Variants in DNAH17 observed in about 807,000 individuals in gnomAD.
The protein encoded by DNAH17 is dynein axonemal heavy chain 17, also known as axonemal beta dynein heavy chain 17.
In DNAH17, 376 loss-of-function variants were observed where a neutral mutation model predicts 485.6. The ratio of observed to expected loss-of-function variants is 0.77; its 90% CI spans 0.71 to 0.84. DNAH17 has a LOEUF of 0.84. Among genes scored for constraint, DNAH17 ranks in the 40% least tolerant of loss-of-function variants. The probability of loss-of-function intolerance (pLI) is 0.00; values close to 1 mark genes in which losing one functional copy is unlikely to be tolerated. For missense variants in DNAH17, 6,370 were observed against 5,839.3 expected (o/e 1.09, Z -2.96); for synonymous variants, 3,031 against 2,405.9 (o/e 1.26, Z -7.60).
chr17:78,456,956 G>A (rs1028481828), intron 62 of DNAH17, among the ~76,000 whole-genome samples: 1 of 152,190 alleles, frequency 6.6e-6, no homozygotes, highest in Non-Finnish European at 1.5e-5. Flanking sequence ...GAGGCTCCGG[G>A]TGCTCCCCTG....
At position 78,541,377 on chromosome 17, in the gene DNAH17, GTGGA is replaced by G. The variant is rs371016100; in HGVS notation, c.2533-1501_2533-1498del. 9.4e-5 allele frequency among the ~76,000 whole-genome samples: 14 copies of G among 148,508 alleles called. No individual in the cohort carries two copies. The East Asian group carries it at 1.0e-3, about 11-fold the overall frequency. ...ATGAATGTGGTGGGTAGATGTGTAA[GTGGA>G]TGGATGGATGGATGGATGGGTGGAT... is the stretch of plus-strand genomic sequence containing the variant. On this transcript the variant is annotated intron_variant, in intron 17 of 80. Coordinates refer to ENST00000389840, the MANE Select transcript of DNAH17 (RefSeq NM_173628.4).
intron 25 of DNAH17, among the ~76,000 whole-genome samples, chr17:78,521,378 C>A (rs904935865): frequency 6.6e-6 from 1 of 152,016 alleles, no homozygotes; most frequent in Non-Finnish European, 1.5e-5. Flanking sequence ...AGCACTCCAG[C>A]CTGGGTGACA....
rs144882063 is a variant in DNAH17, at chr17:78,486,248, G to A, written c.7077C>T (p.Phe2359=). 1.7e-5 allele frequency: 27 copies of A among 1,593,244 alleles called. No individual in the cohort carries two copies. The East Asian group carries it at 2.7e-4, about 16-fold the overall frequency. Reference sequence around the variant, plus strand: ...CCTGGTCCTGGAACATGGCGCCACCGAAGGCCCAGAAGCAGGTGAACACGA... The same window carrying A: ...CCTGGTCCTGGAACATGGCGCCACCAAAGGCCCAGAAGCAGGTGAACACGA... ...LYFVFTCFWA[F]GGAMFQDQLV... Residue 2359 remains phenylalanine (F), a synonymous_variant, in exon 45 of 81, where the codon TTC becomes TTT. Coordinates refer to ENST00000389840, the MANE Select transcript of DNAH17 (RefSeq NM_173628.4).
At chr17:78,561,415 C>A (rs1197891094) in intron 12 of DNAH17, among the ~76,000 whole-genome samples, 1 of 152,072 alleles carries the variant, frequency 6.6e-6, no homozygotes, top group Non-Finnish European at 1.5e-5. Flanking sequence ...GCCAAGTGCA[C>A]GCAACAGTGG....
intron 22 of DNAH17, among the ~76,000 whole-genome samples, chr17:78,528,418 C>A (rs763882806): frequency 1.3e-5 from 2 of 152,162 alleles, no homozygotes; most frequent in Non-Finnish European, 2.9e-5. Context: ...CCATGCCTGG[C>A]TAATTTTTTA....
At chr17:78,567,298 G>C (rs1008174661) in intron 9 of DNAH17, 132 bp from the exon 10 acceptor site, 4 of 841,690 alleles carry the variant, frequency 4.8e-6, no homozygotes, top group Admixed American at 5.4e-5. Context: ...AACCATGGGG[G>C]TGGGAGGACA....
chr17:78,492,725 C>T lies in DNAH17; in HGVS notation c.6449G>A (p.Arg2150Lys). 1.2e-6 allele frequency: 2 copies of T among 1,612,932 alleles called. No individual in the cohort carries two copies. The highest frequency in any genetic ancestry group is 1.3e-5 in the African/African-American group (1 of 74,992). ...GTCCAGGTCCACGGCGACCGGCTTC[C>T]TCTTCAGGTTCTGATAGGTCTTGTT... ...SLNKTYQNLK[R>K]KPVAVDLDPK... Residue 2150 changes from arginine (R) to lysine (K), a missense_variant, in exon 42 of 81, where the codon AGG becomes AAG. Physicochemically the swap from Arg to Lys is conservative, Grantham distance 26 (BLOSUM62 2). Transcript: ENST00000389840.
chr17:78,540,395 T>C, intron 17 of DNAH17, among the ~76,000 whole-genome samples: 1 of 107,870 alleles, frequency 9.3e-6, no homozygotes, highest in Non-Finnish European at 1.9e-5. Context: ...GCTGGATGGA[T>C]GGATGGGGTT....
intron 67 of DNAH17, 139 bp downstream of exon 67, chr17:78,450,543 C>CTT: frequency 7.1e-7 from 1 of 1,416,990 alleles, no homozygotes; most frequent in Non-Finnish European, 9.5e-7. Context: ...GCCCAGACCC[C>CTT]TTCTCCTGCC....
At chr17:78,478,855 C>T in intron 51 of DNAH17, 170 bp downstream of exon 51, 3 of 608,600 alleles carry the variant, frequency 4.9e-6, no homozygotes, top group Non-Finnish European at 5.8e-6. Flanking sequence ...ACCATCACTA[C>T]CACTGTCACC....
intron 32 of DNAH17, 62 bp downstream of exon 32, chr17:78,502,824 G>A (rs992253488): frequency 1.7e-5 from 27 of 1,593,374 alleles, no homozygotes; most frequent in Non-Finnish European, 2.0e-5. Flanking sequence ...GCCCATGAAC[G>A]CAAAGAAACT....
In DNAH17 at chr17:78,484,235, G is replaced by A. The variant is rs375039681; in HGVS notation, c.7649+633C>T. ...TCTGCACTCTGTCCCGAGGCCCTGG[G>A]ATTCTGGCTGCAGCTGCCCTGGGCA... is the stretch of plus-strand genomic sequence containing the variant. On this transcript the variant is annotated intron_variant, in intron 48 of 80. Coordinates refer to ENST00000389840, the MANE Select transcript of DNAH17 (RefSeq NM_173628.4). 2.6e-5 allele frequency among the ~76,000 whole-genome samples: 4 copies of A among 151,962 alleles called. No homozygotes were observed. In the East Asian group the frequency reaches 5.8e-4, roughly 22 times the overall value.
At chr17:78,494,442 G>T in intron 40 of DNAH17, 151 bp downstream of exon 40, 1 of 997,468 alleles carries the variant, frequency 1.0e-6, no homozygotes, top group Non-Finnish European at 1.5e-6. Flanking sequence ...GGCTGGCCAG[G>T]GCCACGGAGG....
At chr17:78,489,670 TCA>T (rs2089762714) in intron 44 of DNAH17, 2 of 152,222 alleles carry the variant, frequency 1.3e-5, no homozygotes, top group Admixed American at 1.3e-4. Flanking sequence ...TGTGAATCCC[TCA>T]CATATTCTTC....
At chr17:78,558,296 G>T (rs2143624069) in intron 13 of DNAH17, 42 bp from the exon 14 acceptor site, 4 of 1,604,250 alleles carry the variant, frequency 2.5e-6, no homozygotes, top group Non-Finnish European at 3.4e-6. Context: ...CAGCAGGTCA[G>T]GTCAACAGTG....
chr17:78,437,996 G>T, intron 73 of DNAH17, 128 bp from the exon 74 acceptor site: 1 of 670,454 alleles, frequency 1.5e-6, no homozygotes, highest in Non-Finnish European at 2.5e-6. Context: ...CTTGCCTGGT[G>T]CTGGCACTGC....
intron 75 of DNAH17, 146 bp downstream of exon 75, chr17:78,433,883 C>A: frequency 1.6e-6 from 1 of 620,906 alleles, no homozygotes; most frequent in Non-Finnish European, 2.5e-6. Context: ...TACTTGATGT[C>A]TTTTAAGCCT....
At position 78,526,989 on chromosome 17, in the gene DNAH17, G is replaced by A. The variant is rs770007152; in HGVS notation, c.3515C>T (p.Pro1172Leu). The A allele has an allele frequency of 8.3e-6, 13 of 1,574,822 alleles. No homozygotes were observed. Among genetic ancestry groups the A allele is most frequent in the Middle Eastern group, 3.3e-4 (2 of 6,030 alleles). The stretch of plus-strand genomic sequence containing the variant: ...TTTCTTGGTATTTGCCCAGTGCTCC[G>A]GCAGCTCCTGCGGGAAGCAAAGGCA... ...EEIHLKLQEL[P>L]EHWANTKKLA... The change falls in exon 23 of 81, where the codon CCG becomes CTG. Residue 1172 changes from proline to leucine, a missense_variant. Physicochemically the swap from Pro to Leu is moderately conservative, Grantham distance 98. Transcript: ENST00000389840.
intron 63 of DNAH17, among the ~76,000 whole-genome samples, chr17:78,455,141 C>T (rs1238086267): frequency 6.6e-6 from 1 of 152,082 alleles, no homozygotes; most frequent in African/African-American, 2.4e-5. Context: ...AACTCCTGAC[C>T]TCAGGTGATC....
Sources: gnomAD v4.1 joint callset for allele counts (sites outside exome capture counted in the v4.1 genomes callset) on GRCh38, gnomAD v4.1.1 for gene constraint, MANE v1.5 for transcripts, NCBI Gene and HGNC (gene_info 2026-07-23, HGNC 2026-07-21) for gene names.